The following TLE6 variants were observed in gnomAD, a reference collection of about 807,000 sequenced individuals.
TLE6 encodes the protein TLE family member 6, subcortical maternal complex member.
A neutral mutation model predicts 77.1 loss-of-function variants in TLE6; 72 were observed. The ratio of observed to expected loss-of-function variants is 0.93; its 90% CI spans 0.77 to 1.14. The LOEUF (loss-of-function observed/expected upper bound fraction) is 1.14, where lower values mean the gene tolerates loss of function less well. TLE6 is among the 50% of genes most tolerant of loss of function. The pLI, the probability that TLE6 is intolerant of heterozygous loss-of-function variation, is 0.00. For missense variants in TLE6, 843 were observed against 747.6 expected (o/e 1.13, Z -1.49); for synonymous variants, 366 against 287.3 (o/e 1.27, Z -2.77).
rs910174333 is a variant in TLE6, at chr19:2,984,710, C to T, written c.223-2119C>T. Among the ~76,000 whole-genome samples the T allele has an allele frequency of 2.6e-5, 4 of 151,912 alleles. No individual in the cohort carries two copies. The South Asian group carries it at 8.3e-4, about 32-fold the overall frequency. ...CTCGAACTTCTGACCTCAGGTGATC[C>T]GCCCGCCTCAGCCTCTCAAAGTGCT... On this transcript the variant is annotated intron_variant, in intron 5 of 16. Coordinates refer to ENST00000246112, the MANE Select transcript of TLE6 (RefSeq NM_001143986.2).
chr19:2,984,791 G>A (rs1038651644), intron 5 of TLE6, among the ~76,000 whole-genome samples: 2 of 151,938 alleles, frequency 1.3e-5, no homozygotes, highest in African/African-American at 4.8e-5. Context: ...TTTGAACATG[G>A]CTACTAGACA....
chr19:2,993,529 A>C lies in TLE6; in HGVS notation c.1484A>C (p.His495Pro). Residue 495 changes from histidine to proline, a missense_variant, in exon 15 of 17, where the codon CAC becomes CCC. His to Pro is a moderately conservative substitution (Grantham distance 77, BLOSUM62 -2). Transcript: ENST00000246112. ...CAAAGCACCAGCGGGAGCCAGCGGC[A>C]CATGGTGGGGCAAAAAGACAGCGTC... ...WLQSTSGSQRHMVGQKDSVIL... is the reference protein window; with the variant it reads ...WLQSTSGSQRPMVGQKDSVIL... The C allele has an allele frequency of 1.3e-6, 2 of 1,591,620 alleles. No homozygotes were observed. The highest frequency in any genetic ancestry group is 8.6e-7 in the Non-Finnish European group (1 of 1,162,814).
chr19:2,984,090 T>C (rs1347951411), intron 5 of TLE6: 1 of 152,378 alleles, frequency 6.6e-6, no homozygotes, highest in Non-Finnish European at 1.5e-5. Flanking sequence ...CCCAGCCGCC[T>C]CGCTGTGCTT....
chr19:2,980,029 G>C lies in TLE6; in HGVS notation c.52-71G>C, dbSNP rs937952833. The C allele has an allele frequency of 5.9e-6, 7 of 1,196,410 alleles. No homozygotes were observed. The Admixed American group carries it at 6.1e-5, about 10-fold the overall frequency. 74.1% of individuals were successfully genotyped at this position (1,196,410 alleles called of 1,614,324 possible). A position where few individuals can be genotyped will look rare whatever the true frequency, so the allele number is the denominator to read the frequency against. ...ACCAACCTAATGCCTATGCCATGTT[G>C]AGGTGGAGACCGGGGGTCTTGGGTG... On this transcript the variant is annotated intron_variant, in intron 2 of 16. Coordinates refer to ENST00000246112, the MANE Select transcript of TLE6 (RefSeq NM_001143986.2).
In TLE6 at chr19:2,987,053, G is replaced by A; in HGVS notation, c.356G>A (p.Ser119Asn). The A allele has an allele frequency of 6.2e-7, 1 of 1,614,134 alleles. No homozygotes were observed. The highest frequency in any genetic ancestry group is 8.5e-7 in the Non-Finnish European group (1 of 1,180,008). ...AAGGACAAGACCCTGCAGGAGTCGA[G>A]CTTTGAGGACATCATGGCCACCAGG... ...QVKDKTLQESSFEDIMATRSS... is the reference protein window; with the variant it reads ...QVKDKTLQESNFEDIMATRSS... Residue 119 changes from serine (S) to asparagine (N), a missense_variant, in exon 7 of 17, where the codon AGC (serine) becomes AAC (asparagine). Physicochemically the swap from Ser to Asn is conservative, Grantham distance 46. Coordinates refer to ENST00000246112, the MANE Select transcript of TLE6 (RefSeq NM_001143986.2).
chr19:2,990,862 G>T (rs367625491), intron 13 of TLE6, among the ~76,000 whole-genome samples: 1 of 151,492 alleles, frequency 6.6e-6, no homozygotes. Flanking sequence ...ATTAGCCGGC[G>T]TGGTGGCACA....
chr19:2,980,005 C>A, intron 2 of TLE6, 95 bp from the exon 3 acceptor site: 6 of 885,254 alleles, frequency 6.8e-6, no homozygotes, highest in South Asian at 6.3e-5. Flanking sequence ...TACTTTTGCA[C>A]CAACCTAATG....
At chr19:2,988,171 G>T in intron 11 of TLE6, 43 bp downstream of exon 11, 1 of 1,543,422 alleles carries the variant, frequency 6.5e-7, no homozygotes, top group Non-Finnish European at 8.8e-7. Flanking sequence ...GTGAGGGGCA[G>T]CGGGAATTCC....
chr19:2,989,722 C>G lies in TLE6; in HGVS notation c.1181C>G (p.Ala394Gly). Reference protein sequence around the residue: ...ALDANLDANLAFASFTSGVVR... With the variant: ...ALDANLDANLGFASFTSGVVR... ...GATGCCAACCTGGATGCCAACCTGG[C>G]CTTCGCCAGCTTCACCAGTGGTGTG... The change falls in exon 13 of 17, where the codon GCC becomes GGC. Residue 394 changes from alanine to glycine, a missense_variant. Transcript: ENST00000246112. 1 of 1,614,204 alleles carries G rather than the reference C, an allele frequency of 6.2e-7. No individual in the cohort carries two copies. Among genetic ancestry groups the G allele is most frequent in the Non-Finnish European group, 8.5e-7 (1 of 1,180,036 alleles).
At chr19:2,989,473 C>T in intron 12 of TLE6, 62 bp from the exon 13 acceptor site, 2 of 1,577,984 alleles carry the variant, frequency 1.3e-6, no homozygotes, top group East Asian at 2.2e-5. Context: ...TCTCATGAGG[C>T]AAAGCAGTCC....
In TLE6 at chr19:2,993,627, G is replaced by C. The variant is rs369163484; in HGVS notation, c.1537+45G>C. 1.4e-4 allele frequency: 206 copies of C among 1,521,734 alleles called. 2 individuals are homozygous for C. Among genetic ancestry groups the C allele is most frequent in the Non-Finnish European group, 2.3e-5 (26 of 1,132,216 alleles). The allele number at this position is 1,521,734 out of a possible 1,614,324, so 94.3% of individuals were successfully genotyped here. On this transcript the variant is annotated intron_variant, in intron 15 of 16. Transcript: ENST00000246112. Reference sequence around the variant, plus strand: ...TGAGGGGACTCCCCTGCAGCCCCCAGCCTCCCACAAGACCCCACCTAATGC... The same window carrying C: ...TGAGGGGACTCCCCTGCAGCCCCCACCCTCCCACAAGACCCCACCTAATGC...
At chr19:2,979,280 C>T (rs778028032) in intron 2 of TLE6, among the ~76,000 whole-genome samples, 16 of 149,960 alleles carry the variant, frequency 1.1e-4, no homozygotes, top group Non-Finnish European at 4.4e-5. Flanking sequence ...GAGTCTTGCT[C>T]TTGTTGCCCA....
At position 2,980,738 on chromosome 19, in the gene TLE6, TAAAAAAA is replaced by T. The variant is rs751491532; in HGVS notation, c.134+570_134+576del. Reference sequence around the variant, plus strand: ...AGGCTACAGAGTGAGACTCGGTCTTTAAAAAAAAAAAAAAAAAAAAGTACTGCATGGG... The same window carrying T: ...AGGCTACAGAGTGAGACTCGGTCTTTAAAAAAAAAAAAAGTACTGCATGGG... On this transcript the variant is annotated intron_variant, in intron 3 of 16. Transcript: ENST00000246112. Among the ~76,000 whole-genome samples, 101 of 106,338 alleles carry T rather than the reference TAAAAAAA, an allele frequency of 9.5e-4. 1 individual carries two copies. The highest frequency in any genetic ancestry group is 3.4e-3 in the African/African-American group (98 of 28,420). 69.8% of individuals were successfully genotyped at this position (106,338 alleles called of 152,430 possible).
chr19:2,990,414 T>C (rs988108550), intron 13 of TLE6, among the ~76,000 whole-genome samples: 1 of 150,966 alleles, frequency 6.6e-6, no homozygotes, highest in Non-Finnish European at 1.5e-5. Flanking sequence ...CCATTCTAGC[T>C]GACACGGTGA....
Position 2,987,077 on chromosome 19 carries a change from G to A in TLE6, c.380G>A (p.Arg127Lys), listed in dbSNP as rs376099775. ...AGCTTTGAGGACATCATGGCCACCA[G>A]GTCCTCCGACTGGCTCCGGCGGCCT... ...ESSFEDIMAT[R>K]SSDWLRRPLG... is the part of the protein sequence containing the mutation. The change falls in exon 7 of 17, where the codon AGG becomes AAG. Residue 127 changes from arginine to lysine, a missense_variant. Physicochemically the swap from Arg to Lys is conservative, Grantham distance 26 (BLOSUM62 2). Coordinates refer to ENST00000246112, the MANE Select transcript of TLE6 (RefSeq NM_001143986.2). The A allele has an allele frequency of 6.2e-7, 1 of 1,614,190 alleles. No homozygotes were observed. The highest frequency in any genetic ancestry group is 8.5e-7 in the Non-Finnish European group (1 of 1,180,026).
intron 5 of TLE6, among the ~76,000 whole-genome samples, chr19:2,984,828 A>G (rs545012566): frequency 6.6e-6 from 1 of 152,264 alleles, no homozygotes; most frequent in East Asian, 1.9e-4. Context: ...ATATTTATGT[A>G]TTATTCCAAT....
At chr19:2,994,204 G>A in intron 16 of TLE6, 109 bp downstream of exon 16, 1 of 856,940 alleles carries the variant, frequency 1.2e-6, no homozygotes, top group Non-Finnish European at 1.8e-6. Context: ...AGCCAGGTGT[G>A]GTGGCTCACG....
chr19:2,978,263 G>A lies in TLE6; in HGVS notation c.30G>A (p.Lys10=), dbSNP rs1227859972. Residue 10 remains lysine (K), a synonymous_variant, in exon 2 of 17, where the codon AAG becomes AAA. Transcript: ENST00000246112. ...CCTCTAGGGACCAGCCCAGACCCAA[G>A]GGCCCCCCGAAAAGCACTTCGGTGA... MTSRDQPRP[K]GPPKSTSPCP... 4.7e-5 allele frequency: 73 copies of A among 1,551,398 alleles called. No individual in the cohort carries two copies. Among genetic ancestry groups the A allele is most frequent in the Non-Finnish European group, 5.6e-5 (64 of 1,146,978 alleles).
chr19:2,979,980 A>AT, intron 2 of TLE6, 120 bp from the exon 3 acceptor site: 1 of 693,614 alleles, frequency 1.4e-6, no homozygotes, highest in Non-Finnish European at 2.3e-6. Context: ...AAAAAAAAAA[A>AT]GCAAAAACCA....
Sources: allele counts gnomAD v4.1 joint callset (sites outside exome capture counted in the v4.1 genomes callset), GRCh38; gene constraint gnomAD v4.1.1; transcripts MANE v1.5; gene names NCBI Gene and HGNC (gene_info 2026-07-23, HGNC 2026-07-21).